Variants in PRDM2 observed in about 807,000 individuals in gnomAD.
PRDM2 encodes PR domain zinc finger protein 2.
Under a neutral mutation model 130.0 loss-of-function variants are expected in PRDM2, and 30 were observed. The ratio of observed to expected loss-of-function variants is 0.23; its 90% CI spans 0.17 to 0.31. The LOEUF (loss-of-function observed/expected upper bound fraction) is 0.31, where lower values mean the gene tolerates loss of function less well. Among genes scored for constraint, PRDM2 ranks in the 10% least tolerant of loss-of-function variants. The pLI, the probability that PRDM2 is intolerant of heterozygous loss-of-function variation, is 1.00. For synonymous variants in PRDM2, 871 were observed against 782.4 expected, an observed-to-expected ratio of 1.11 and a Z score of -1.89; for missense variants, 2,011 against 2,108.4, an observed-to-expected ratio of 0.95 and a Z score of 0.90.
At chr1:13,813,438 G>A (rs941129292) in intron 8 of PRDM2, among the ~76,000 whole-genome samples, 1 of 152,148 alleles carries the variant, frequency 6.6e-6, no homozygotes, top group African/African-American at 2.4e-5. Flanking sequence ...TCCTGTCCCC[G>A]TCCTAACAGG....
At chr1:13,713,532 C>T (rs913682500) in intron 1 of PRDM2, among the ~76,000 whole-genome samples, 15 of 152,114 alleles carry the variant, frequency 9.9e-5, no homozygotes, top group Non-Finnish European at 1.9e-4. Flanking sequence ...ATGATGATAC[C>T]GATGATTCTT....
chr1:13,722,533 A>T (rs924766005), intron 2 of PRDM2, among the ~76,000 whole-genome samples: 1 of 152,032 alleles, frequency 6.6e-6, no homozygotes, highest in Non-Finnish European at 1.5e-5. Context: ...CCATGGGTAG[A>T]CCGAACAAAC....
chr1:13,792,802 C>T (rs574110290), intron 8 of PRDM2, among the ~76,000 whole-genome samples: 2 of 152,164 alleles, frequency 1.3e-5, no homozygotes, highest in Non-Finnish European at 2.9e-5. Context: ...GCGTGGGGCA[C>T]CTTTCTGAGT....
chr1:13,792,049 CAGTG>C (rs1209427035), intron 8 of PRDM2, among the ~76,000 whole-genome samples: 2 of 152,176 alleles, frequency 1.3e-5, no homozygotes, highest in South Asian at 2.1e-4. Context: ...CTGAGTTACT[CAGTG>C]AGGGGAGAAA....
intron 2 of PRDM2, chr1:13,722,711 A>G (rs1642770456): frequency 1.0e-5 from 4 of 398,104 alleles, no homozygotes; most frequent in South Asian, 7.5e-5. Flanking sequence ...CCCATTCTGT[A>G]TTAGAATCTT....
At chr1:13,820,968 A>G (rs1645339591) in intron 9 of PRDM2, among the ~76,000 whole-genome samples, 1 of 151,936 alleles carries the variant, frequency 6.6e-6, no homozygotes, top group Non-Finnish European at 1.5e-5. Flanking sequence ...CTGCATAAGC[A>G]GGCGTCCTCT....
intron 7 of PRDM2, among the ~76,000 whole-genome samples, chr1:13,776,336 C>G (rs1229464697): frequency 6.6e-6 from 1 of 152,136 alleles, no homozygotes; most frequent in South Asian, 2.1e-4. Context: ...CTGCCTCCTC[C>G]GTGGAACCTT....
intron 1 of PRDM2, among the ~76,000 whole-genome samples, chr1:13,706,201 TG>T (rs1642206658): frequency 6.6e-6 from 1 of 152,208 alleles, no homozygotes; most frequent in African/African-American, 2.4e-5. Flanking sequence ...TCATATTTTT[TG>T]TTTCAGCTCT....
chr1:13,810,910 C>T (rs1008195883), intron 8 of PRDM2, among the ~76,000 whole-genome samples: 6 of 150,834 alleles, frequency 4.0e-5, no homozygotes, highest in African/African-American at 9.7e-5. Flanking sequence ...CTGGGCCAGG[C>T]GTGGTGGCTC....
chr1:13,749,873 G>T (rs930610443), intron 6 of PRDM2, among the ~76,000 whole-genome samples: 13 of 152,124 alleles, frequency 8.5e-5, no homozygotes, highest in Non-Finnish European at 1.8e-4. Context: ...CACGGCGGGC[G>T]CCCGAGCTTT....
At chr1:13,817,472 C>G (rs888657361) in intron 9 of PRDM2, among the ~76,000 whole-genome samples, 1 of 151,994 alleles carries the variant, frequency 6.6e-6, no homozygotes, top group African/African-American at 2.4e-5. Flanking sequence ...CTGGATTCTG[C>G]TGGTGACCCA....
In PRDM2 at chr1:13,780,859, A is replaced by G. The variant is rs1310872999; in HGVS notation, c.3064A>G (p.Ile1022Val). 4 of 1,607,802 alleles carry G rather than the reference A, an allele frequency of 2.5e-6. No homozygotes were observed. Among genetic ancestry groups the G allele is most frequent in the South Asian group, 1.1e-5 (1 of 90,796 alleles). The change falls in exon 8 of 10, where the codon ATT becomes GTT. Residue 1022 changes from isoleucine (I) to valine (V), a missense_variant. Physicochemically the swap from Ile to Val is conservative, Grantham distance 29 (BLOSUM62 3). Transcript: ENST00000311066. ...TGCCACCGCACAGTCCCCACTTCCA[A>G]TTCTGTCCCCAACAGTGTCCCCCTC... ...SNATAQSPLPILSPTVSPSPS... is the reference protein window; with the variant it reads ...SNATAQSPLPVLSPTVSPSPS...
intron 5 of PRDM2, among the ~76,000 whole-genome samples, chr1:13,743,720 A>G (rs1182922490): frequency 6.6e-6 from 1 of 152,206 alleles, no homozygotes; most frequent in Non-Finnish European, 1.5e-5. Context: ...GTTAACCTGT[A>G]GCTGTTTAAT....
chr1:13,743,406 A>G (rs1643510619), intron 5 of PRDM2, among the ~76,000 whole-genome samples: 1 of 149,852 alleles, frequency 6.7e-6, no homozygotes, highest in Admixed American at 6.6e-5. Flanking sequence ...TCTCAAAAAA[A>G]AAAAAAAAAA....
chr1:13,766,315 G>A (rs567025570), intron 6 of PRDM2, among the ~76,000 whole-genome samples: 1 of 152,212 alleles, frequency 6.6e-6, no homozygotes, highest in South Asian at 2.1e-4. Context: ...CTGCAAAAGG[G>A]TGAGATTCTA....
chr1:13,814,654 T>G (rs1302864598), intron 8 of PRDM2, among the ~76,000 whole-genome samples: 1 of 152,166 alleles, frequency 6.6e-6, no homozygotes, highest in African/African-American at 2.4e-5. Context: ...CCCTCAGGTA[T>G]GAAAGCCAAC....
intron 8 of PRDM2, among the ~76,000 whole-genome samples, chr1:13,802,688 A>G (rs554658681): frequency 6.6e-6 from 1 of 152,312 alleles, no homozygotes; most frequent in East Asian, 1.9e-4. Flanking sequence ...TTACCATCTA[A>G]AAAGGGCTCT....
At chr1:13,821,870 C>T (rs546856185) in intron 9 of PRDM2, among the ~76,000 whole-genome samples, 44 of 152,274 alleles carry the variant, frequency 2.9e-4, no homozygotes, top group Admixed American at 8.5e-4. Flanking sequence ...CATCCCCTCC[C>T]GACTGGAAGA....
At chr1:13,703,090 T>C (rs1243589056) in intron 1 of PRDM2, among the ~76,000 whole-genome samples, 1 of 152,234 alleles carries the variant, frequency 6.6e-6, no homozygotes, top group Non-Finnish European at 1.5e-5. Flanking sequence ...ATCTCTCTCT[T>C]TTTGAAGCTA....
Sources: gnomAD v4.1 joint callset for allele counts (sites outside exome capture counted in the v4.1 genomes callset) on GRCh38, gnomAD v4.1.1 for gene constraint, MANE v1.5 for transcripts, NCBI Gene and HGNC (gene_info 2026-07-23, HGNC 2026-07-21) for gene names.